EYA1: variants seen among roughly 807,000 people sequenced by gnomAD.
The protein encoded by EYA1 is protein phosphatase EYA1.
In EYA1, 16 loss-of-function variants were observed where a neutral mutation model predicts 82.0. The observed-to-expected ratio is 0.20, with a 90% CI of 0.13 to 0.30. The LOEUF is 0.30. EYA1 is among the 10% of genes least tolerant of loss of function. The pLI, the probability that EYA1 is intolerant of heterozygous loss-of-function variation, is 1.00. For missense variants in EYA1, 633 were observed against 730.7 expected, an observed-to-expected ratio of 0.87 and a Z score of 1.54; for synonymous variants, 261 against 264.4, an observed-to-expected ratio of 0.99 and a Z score of 0.12.
intron 2 of EYA1, among the ~76,000 whole-genome samples, chr8:71,448,023 T>G (rs1807030292): frequency 1.8e-5 from 1 of 56,802 alleles, no homozygotes; most frequent in African/African-American, 9.0e-5. Context: ...TTTTTTTTTT[T>G]TTTCTCGCTC....
At chr8:71,546,969 T>G (rs1406477483) in intron 1 of EYA1, among the ~76,000 whole-genome samples, 1 of 152,198 alleles carries the variant, frequency 6.6e-6, no homozygotes, top group Admixed American at 6.5e-5. Flanking sequence ...TTAATTACCA[T>G]AAAGAAAACG....
intron 12 of EYA1, among the ~76,000 whole-genome samples, chr8:71,222,025 T>C (rs1809987097): frequency 6.6e-6 from 1 of 152,202 alleles, no homozygotes; most frequent in Non-Finnish European, 1.5e-5. Context: ...AACACCGCAC[T>C]TGACCAAGAT....
intron 4 of EYA1, 25 bp from the exon 5 acceptor site, chr8:71,322,293 T>C (rs775377609): frequency 1.9e-6 from 3 of 1,586,674 alleles, no homozygotes; most frequent in South Asian, 2.2e-5. Context: ...CAAAACAAAA[T>C]AATGCACAAT....
chr8:71,334,389 C>T, intron 3 of EYA1: 1 of 615,738 alleles, frequency 1.6e-6, no homozygotes, highest in Non-Finnish European at 2.9e-6. Flanking sequence ...TCACAAGTTA[C>T]CCTTTAAAAG....
intron 3 of EYA1, among the ~76,000 whole-genome samples, chr8:71,345,717 C>T (rs1268173876): frequency 5.9e-5 from 9 of 152,048 alleles, no homozygotes; most frequent in South Asian, 2.1e-4. Context: ...TGTAAATAAG[C>T]GCATGATTTC....
intron 3 of EYA1, among the ~76,000 whole-genome samples, chr8:71,351,547 T>C (rs762729458): frequency 6.7e-6 from 1 of 150,364 alleles, no homozygotes; most frequent in African/African-American, 2.5e-5. Flanking sequence ...AGTTTTGAAA[T>C]ATGAAACATT....
At chr8:71,285,437 A>G (rs775384907) in intron 9 of EYA1, among the ~76,000 whole-genome samples, 3 of 152,264 alleles carry the variant, frequency 2.0e-5, no homozygotes, top group Admixed American at 2.0e-4. Flanking sequence ...AATAAATTGC[A>G]GAAGCTGAAA....
At chr8:71,536,313 G>A (rs1001818951) in intron 1 of EYA1, among the ~76,000 whole-genome samples, 1 of 152,162 alleles carries the variant, frequency 6.6e-6, no homozygotes, top group Non-Finnish European at 1.5e-5. Context: ...GAAAAAGCTA[G>A]AGTTGAGTGT....
chr8:71,203,811 A>C lies in EYA1; in HGVS notation c.1699-4391T>G, dbSNP rs1807383408. Among the ~76,000 whole-genome samples, 4 of 152,274 alleles carry C rather than the reference A, an allele frequency of 2.6e-5. No individual in the cohort carries two copies. In the South Asian group the frequency reaches 8.3e-4, roughly 32 times the overall value. Reference sequence around the variant, plus strand: ...GGCTGGTAGCAGAGAAACTAGGTAGAATTACAGTGGAAATGGAGTGGGTGT... The same window carrying C: ...GGCTGGTAGCAGAGAAACTAGGTAGCATTACAGTGGAAATGGAGTGGGTGT... On this transcript the variant is annotated intron_variant, in intron 17 of 17. Coordinates refer to ENST00000340726, the MANE Select transcript of EYA1 (RefSeq NM_000503.6).
At chr8:71,241,695 A>T (rs978121210) in intron 12 of EYA1, among the ~76,000 whole-genome samples, 19 of 152,168 alleles carry the variant, frequency 1.2e-4, no homozygotes, top group African/African-American at 4.6e-4. Flanking sequence ...AATATATTAA[A>T]ATATTCATGT....
chr8:71,321,689 C>T (rs1040517544), intron 6 of EYA1, 45 bp downstream of exon 6: 3 of 1,607,440 alleles, frequency 1.9e-6, no homozygotes, highest in African/African-American at 1.3e-5. Context: ...TTAATACACG[C>T]ATGCCCATGC....
At chr8:71,267,139 C>T (rs1386769673) in intron 11 of EYA1, among the ~76,000 whole-genome samples, 1 of 152,158 alleles carries the variant, frequency 6.6e-6, no homozygotes, top group Non-Finnish European at 1.5e-5. Flanking sequence ...CCATTGTGGT[C>T]CCCCGATGAC....
intron 1 of EYA1, chr8:71,547,702 T>C (rs995797122): frequency 6.6e-6 from 1 of 151,420 alleles, no homozygotes; most frequent in Non-Finnish European, 1.5e-5. Context: ...CAGGGTCAGA[T>C]TTAGTTTCAC....
At chr8:71,300,319 A>AT (rs1286956607) in intron 7 of EYA1, among the ~76,000 whole-genome samples, 3 of 152,202 alleles carry the variant, frequency 2.0e-5, no homozygotes, top group Admixed American at 6.5e-5. Flanking sequence ...GAATGTCCAC[A>AT]TTGTTAAACA....
At chr8:71,487,227 A>T (rs566551333) in intron 2 of EYA1, among the ~76,000 whole-genome samples, 21 of 152,224 alleles carry the variant, frequency 1.4e-4, no homozygotes, top group African/African-American at 5.1e-4. Flanking sequence ...ATTATTTAAG[A>T]AACAGATAAA....
intron 12 of EYA1, among the ~76,000 whole-genome samples, chr8:71,225,601 C>T (rs1026663048): frequency 6.6e-6 from 1 of 152,170 alleles, no homozygotes; most frequent in Non-Finnish European, 1.5e-5. Context: ...CCACTCTAAA[C>T]TATCTACTCA....
chr8:71,247,204 C>T (rs996112430), intron 11 of EYA1, among the ~76,000 whole-genome samples: 1 of 151,846 alleles, frequency 6.6e-6, no homozygotes, highest in Non-Finnish European at 1.5e-5. Flanking sequence ...ACATCCCACC[C>T]CCTTAAGCAC....
intron 2 of EYA1, among the ~76,000 whole-genome samples, chr8:71,419,916 G>A (rs1447259941): frequency 6.6e-6 from 1 of 152,050 alleles, no homozygotes; most frequent in Non-Finnish European, 1.5e-5. Flanking sequence ...TATCTTGTCT[G>A]TTTTTCAGAC....
At chr8:71,356,003 A>T (rs775889328) in intron 2 of EYA1, among the ~76,000 whole-genome samples, 1 of 152,194 alleles carries the variant, frequency 6.6e-6, no homozygotes, top group Non-Finnish European at 1.5e-5. Context: ...TAATGTTTAC[A>T]TATATAAAGT....
Sources: gnomAD v4.1 joint callset for allele counts (sites outside exome capture counted in the v4.1 genomes callset) on GRCh38, gnomAD v4.1.1 for gene constraint, MANE v1.5 for transcripts, NCBI Gene and HGNC (gene_info 2026-07-23, HGNC 2026-07-21) for gene names.